Variants in FARP2 observed in about 807,000 individuals in gnomAD.
FARP2 encodes the protein FERM, ARH/RhoGEF and pleckstrin domain protein 2.
FARP2 carries 111 observed loss-of-function variants against 130.5 expected under a neutral mutation model. That is an observed-to-expected ratio of 0.85 (90% confidence interval 0.73 to 1.00). FARP2 has a LOEUF of 1.00. FARP2 is among the 50% of genes least tolerant of loss of function. The pLI is 0.00. For synonymous variants in FARP2, 504 were observed against 516.9 expected (o/e 0.98, Z 0.34); for missense variants, 1,385 against 1,346.3 (o/e 1.03, Z -0.45).
At chr2:241,406,302 T>G (rs772185236) in intron 4 of FARP2, among the ~76,000 whole-genome samples, 8 of 152,028 alleles carry the variant, frequency 5.3e-5, no homozygotes, top group Non-Finnish European at 1.0e-4. Flanking sequence ...AGAGAGACTC[T>G]GTCTCAAAAA....
In FARP2 at chr2:241,407,533, A is replaced by C; in HGVS notation, c.332-4A>C. ...TTTGTGAAGTTTAAATTTTTTTGTT[A>C]TAGGGCCAAAGAATGTGGTGCTTCG... On this transcript the variant is annotated splice_region_variant and splice_polypyrimidine_tract_variant and intron_variant, in intron 4 of 26. Transcript: ENST00000264042. 6.2e-7 allele frequency: 1 copy of C among 1,612,580 alleles called. No individual in the cohort carries two copies. Among genetic ancestry groups the C allele is most frequent in the Non-Finnish European group, 8.5e-7 (1 of 1,178,682 alleles).
intron 22 of FARP2, 110 bp downstream of exon 22, chr2:241,490,154 G>A: frequency 1.3e-6 from 1 of 772,202 alleles, no homozygotes; most frequent in Non-Finnish European, 2.3e-6. Context: ...GTAGCCTCAT[G>A]GGGTTGTGCC....
intron 8 of FARP2, among the ~76,000 whole-genome samples, chr2:241,429,301 A>G (rs2150392976): frequency 6.6e-6 from 1 of 152,110 alleles, no homozygotes; most frequent in Admixed American, 6.5e-5. Context: ...TGCTGTACCC[A>G]GGCATTATGT....
intron 1 of FARP2, among the ~76,000 whole-genome samples, chr2:241,366,147 A>ATATATATG: frequency 6.9e-6 from 1 of 145,520 alleles, no homozygotes; most frequent in African/African-American, 2.5e-5. Flanking sequence ...ATACACACAC[A>ATATATATG]CATATATATT....
At chr2:241,434,436 A>C in intron 10 of FARP2, 115 bp downstream of exon 10, 1 of 731,882 alleles carries the variant, frequency 1.4e-6, no homozygotes, top group Admixed American at 3.6e-5. Context: ...ATTACACACA[A>C]AGTGGAGGTA....
chr2:241,479,847 G>A (rs1033788060), intron 19 of FARP2, among the ~76,000 whole-genome samples: 3 of 152,238 alleles, frequency 2.0e-5, no homozygotes, highest in African/African-American at 7.2e-5. Flanking sequence ...TTCTGGAGCT[G>A]AAGGTCTGGA....
At chr2:241,465,532 G>A (rs1398203002) in intron 17 of FARP2, 3 of 1,550,620 alleles carry the variant, frequency 1.9e-6, no homozygotes, top group Admixed American at 2.0e-5. Flanking sequence ...GGCAGGGGCA[G>A]CACTGGGGGA....
At chr2:241,435,574 C>T (rs1170198037) in intron 11 of FARP2, among the ~76,000 whole-genome samples, 4 of 139,828 alleles carry the variant, frequency 2.9e-5, no homozygotes, top group African/African-American at 8.1e-5. Flanking sequence ...TGCAGTGGTG[C>T]GATCTCGGCT....
intron 2 of FARP2, among the ~76,000 whole-genome samples, chr2:241,387,833 C>A (rs1006445053): frequency 2.0e-5 from 3 of 148,366 alleles, no homozygotes; most frequent in African/African-American, 5.0e-5. Flanking sequence ...TTTACAGTAG[C>A]ATTAAAAATA....
chr2:241,468,423 C>T (rs1019869806), intron 18 of FARP2, 46 bp downstream of exon 18: 2 of 1,494,350 alleles, frequency 1.3e-6, no homozygotes, highest in Non-Finnish European at 1.9e-6. Flanking sequence ...GCGTGCGTGG[C>T]TGGGAGGCAG....
Position 241,494,027 on chromosome 2 carries a change from G to T in FARP2, c.3067G>T (p.Gly1023Trp). 1 of 1,396,584 alleles carries T rather than the reference G, an allele frequency of 7.2e-7. No homozygotes were observed. Among genetic ancestry groups the T allele is most frequent in the Non-Finnish European group, 9.3e-7 (1 of 1,072,778 alleles). 86.5% of individuals were successfully genotyped at this position (1,396,584 alleles called of 1,614,324 possible). Residue 1023 changes from glycine (G) to tryptophan (W), a missense_variant, in exon 27 of 27, where the codon GGG becomes TGG. Coordinates refer to ENST00000264042, the MANE Select transcript of FARP2 (RefSeq NM_014808.4). This position sits in a 1 kb window ranked among gnomAD's most constrained non-coding sequence, Gnocchi z 4.9. ...TFERWMEVIQ[G>W]ASSSAGRAPS... ...CTCCAGGTGGATGGAGGTGATCCAG[G>T]GGGCCAGCAGCTCAGCCGGGAGGGC... is the stretch of plus-strand genomic sequence containing the variant.
At chr2:241,407,080 T>C (rs1297221918) in intron 4 of FARP2, among the ~76,000 whole-genome samples, 1 of 152,214 alleles carries the variant, frequency 6.6e-6, no homozygotes, top group African/African-American at 2.4e-5. Context: ...AGTGCTGGGA[T>C]TACAGGCGTG....
At chr2:241,491,452 G>GGAA (rs1290939052) in intron 23 of FARP2, 64 bp from the exon 24 acceptor site, 2 of 1,576,404 alleles carry the variant, frequency 1.3e-6, no homozygotes, top group African/African-American at 2.7e-5. Context: ...CCCAAGGGGT[G>GGAA]GAAGTATTTG....
At chr2:241,486,329 G>A (rs1247557685) in intron 21 of FARP2, among the ~76,000 whole-genome samples, 2 of 146,192 alleles carry the variant, frequency 1.4e-5, no homozygotes, top group African/African-American at 2.5e-5. Flanking sequence ...AGCAAAAGTG[G>A]TGTGTGCCTG....
intron 17 of FARP2, 70 bp downstream of exon 17, chr2:241,464,050 A>G (rs2064100240): frequency 7.7e-7 from 1 of 1,305,750 alleles, no homozygotes; most frequent in African/African-American, 1.4e-5. Flanking sequence ...CCCGAAGCTG[A>G]GGCCCGTCAG....
At position 241,491,687 on chromosome 2, in the gene FARP2, C is replaced by A; in HGVS notation, c.2787+8C>A. The A allele has an allele frequency of 6.3e-7, 1 of 1,583,798 alleles. No individual in the cohort carries two copies. The highest frequency in any genetic ancestry group is 8.6e-7 in the Non-Finnish European group (1 of 1,162,432). On this transcript the variant is annotated splice_region_variant and intron_variant, in intron 24 of 26. Coordinates refer to ENST00000264042, the MANE Select transcript of FARP2 (RefSeq NM_014808.4). ...CACAGTGCAGCTGTCGAGGTACGAC[C>A]GCATGAGCACCACCTCAGTGCATCT...
At chr2:241,426,022 A>C (rs1297864840) in intron 8 of FARP2, among the ~76,000 whole-genome samples, 1 of 152,052 alleles carries the variant, frequency 6.6e-6, no homozygotes, top group African/African-American at 2.4e-5. Context: ...TTTTTCACAC[A>C]TGTAGATTTT....
intron 7 of FARP2, among the ~76,000 whole-genome samples, chr2:241,417,081 A>G (rs1020519832): frequency 2.6e-5 from 4 of 152,130 alleles, no homozygotes; most frequent in Non-Finnish European, 5.9e-5. Context: ...TGGGCGGATC[A>G]CCTGAGGTCA....
chr2:241,399,507 G>C (rs1310403181), intron 2 of FARP2, among the ~76,000 whole-genome samples: 1 of 152,108 alleles, frequency 6.6e-6, no homozygotes, highest in East Asian at 1.9e-4. Flanking sequence ...TGAAAGTTTT[G>C]TATTTTTAGT....
Sources: gnomAD v4.1 joint callset for allele counts (sites outside exome capture counted in the v4.1 genomes callset) on GRCh38, gnomAD v4.1.1 for gene constraint, Gnocchi (gnomAD v3.1) non-coding constraint, MANE v1.5 for transcripts, NCBI Gene and HGNC (gene_info 2026-07-23, HGNC 2026-07-21) for gene names.